Variants in SLC24A2 observed in about 807,000 individuals in gnomAD.
The protein encoded by SLC24A2 is solute carrier family 24 member 2.
SLC24A2 carries 36 observed loss-of-function variants against 62.0 expected under a neutral mutation model. The ratio of observed to expected loss-of-function variants is 0.58; its 90% confidence interval spans 0.44 to 0.77. The LOEUF is 0.77. Ranked by LOEUF, SLC24A2 falls within the 30% of genes least tolerant of loss-of-function variation. The probability of loss-of-function intolerance (pLI) is 0.00; values close to 1 mark genes in which losing one functional copy is unlikely to be tolerated. For missense variants in SLC24A2, 846 were observed against 817.9 expected (o/e 1.03, Z -0.42); for synonymous variants, 358 against 294.0 (o/e 1.22, Z -2.23).
chr9:20,015,253 G>C, the SLC24A2 span, among the ~76,000 whole-genome samples: 1 of 152,186 alleles, frequency 6.6e-6, no homozygotes, highest in Non-Finnish European at 1.5e-5. Flanking sequence ...TGTACATAAA[G>C]TGGAGGAGAG....
intron 4 of SLC24A2, 95 bp from the exon 5 acceptor site, chr9:19,597,374 A>G: frequency 2.3e-6 from 2 of 882,560 alleles, no homozygotes; most frequent in Non-Finnish European, 3.8e-6. Context: ...ATTCAGAGTT[A>G]TACTGTCAAA....
chr9:19,550,451 A>G (rs896337222), intron 7 of SLC24A2, among the ~76,000 whole-genome samples, 183 bp from the exon 8 acceptor site: 2 of 152,152 alleles, frequency 1.3e-5, no homozygotes, highest in South Asian at 2.1e-4. Flanking sequence ...CAAATAATAC[A>G]TTGTCCAGCC....
intron 2 of SLC24A2, among the ~76,000 whole-genome samples, chr9:19,630,662 C>T (rs562651402): frequency 6.6e-6 from 1 of 152,142 alleles, no homozygotes; most frequent in South Asian, 2.1e-4. Context: ...GACCCTGGCA[C>T]AATTTCCATA....
At chr9:19,948,722 G>A in the SLC24A2 span, among the ~76,000 whole-genome samples, 3,018 of 151,096 alleles carry the variant, frequency 0.02, 91 homozygotes, top group African/African-American at 0.07. Flanking sequence ...GCGGGCGCCT[G>A]TAGTCCCAGC....
Position 19,553,400 on chromosome 9 carries a change from A to C in SLC24A2, c.1348-3132T>G, listed in dbSNP as rs575770505. On this transcript the variant is annotated intron_variant, in intron 7 of 10. Transcript: ENST00000341998. ...CAGAGTGTCCATAGAAAACAAAACA[A>C]AGCAAAATGGTCCAGAAAGGATTCA... Among the ~76,000 whole-genome samples the C allele has an allele frequency of 2.0e-5, 3 of 152,322 alleles. No individual in the cohort carries two copies. The South Asian group carries it at 6.2e-4, about 32-fold the overall frequency.
At chr9:20,179,009 C>A in the SLC24A2 span, among the ~76,000 whole-genome samples, 1 of 152,110 alleles carries the variant, frequency 6.6e-6, no homozygotes, top group Non-Finnish European at 1.5e-5. Context: ...GAATCTTCTT[C>A]AAAGAGTTTG....
chr9:19,575,132 T>G (rs567986713), intron 6 of SLC24A2, among the ~76,000 whole-genome samples: 44 of 152,308 alleles, frequency 2.9e-4, no homozygotes, highest in African/African-American at 1.0e-3. Flanking sequence ...TATAGACACA[T>G]GAATAGATTT....
chr9:20,157,937 A>G, the SLC24A2 span, among the ~76,000 whole-genome samples: 1 of 151,572 alleles, frequency 6.6e-6, no homozygotes, highest in Non-Finnish European at 1.5e-5. Context: ...ACCCAGTGCT[A>G]TGCAAAGATC....
At chr9:19,693,359 G>A (rs1400125014) in intron 2 of SLC24A2, among the ~76,000 whole-genome samples, 2 of 152,106 alleles carry the variant, frequency 1.3e-5, no homozygotes, top group Non-Finnish European at 2.9e-5. Flanking sequence ...ATATATGAAT[G>A]CAGCCTGTTG....
the SLC24A2 span, among the ~76,000 whole-genome samples, chr9:20,153,988 C>T: frequency 4.6e-5 from 7 of 151,874 alleles, no homozygotes; most frequent in East Asian, 1.2e-3. Context: ...ATTGCTGTTG[C>T]ATAAATTGTG....
chr9:19,549,286 T>C (rs1331742718), intron 8 of SLC24A2, among the ~76,000 whole-genome samples: 2 of 152,206 alleles, frequency 1.3e-5, no homozygotes, highest in Non-Finnish European at 2.9e-5. Flanking sequence ...GTGGGGGTTT[T>C]AAAACATGTT....
the SLC24A2 span, among the ~76,000 whole-genome samples, chr9:20,090,459 C>A: frequency 6.6e-6 from 1 of 152,064 alleles, no homozygotes; most frequent in South Asian, 2.1e-4. Context: ...AGAGGGAGCA[C>A]GATTGCAATT....
chr9:20,237,654 C>T, the SLC24A2 span, among the ~76,000 whole-genome samples: 1 of 152,200 alleles, frequency 6.6e-6, no homozygotes, highest in African/African-American at 2.4e-5. Context: ...AAAGAGCACT[C>T]ACCTGGCACT....
At chr9:20,064,957 A>C in the SLC24A2 span, among the ~76,000 whole-genome samples, 1 of 152,204 alleles carries the variant, frequency 6.6e-6, no homozygotes, top group Non-Finnish European at 1.5e-5. Flanking sequence ...GAGGAGGGAC[A>C]GGCAGGTGAA....
the SLC24A2 span, among the ~76,000 whole-genome samples, chr9:20,259,795 G>A: frequency 6.6e-6 from 1 of 152,172 alleles, no homozygotes; most frequent in Admixed American, 6.5e-5. Flanking sequence ...ACAGTATTAA[G>A]AGGTAAGACC....
At chr9:20,116,351 C>G in the SLC24A2 span, among the ~76,000 whole-genome samples, 3 of 152,150 alleles carry the variant, frequency 2.0e-5, no homozygotes, top group Non-Finnish European at 4.4e-5. Flanking sequence ...AACCCTTAAG[C>G]ACTTTATGAG....
the SLC24A2 span, among the ~76,000 whole-genome samples, chr9:20,151,320 C>T: frequency 6.6e-6 from 1 of 151,800 alleles, no homozygotes; most frequent in Non-Finnish European, 1.5e-5. Context: ...TTTAACCTAC[C>T]CTTTCAGCCT....
chr9:20,102,121 C>G, the SLC24A2 span, among the ~76,000 whole-genome samples: 1 of 152,186 alleles, frequency 6.6e-6, no homozygotes, highest in Non-Finnish European at 1.5e-5. Flanking sequence ...ATCAGAGTCC[C>G]TAGTTCTCCC....
At chr9:20,290,717 C>G in the SLC24A2 span, among the ~76,000 whole-genome samples, 1 of 152,192 alleles carries the variant, frequency 6.6e-6, no homozygotes, top group African/African-American at 2.4e-5. Flanking sequence ...TGCCTACATG[C>G]TACCATGGAA....
Sources: allele counts gnomAD v4.1 joint callset (sites outside exome capture counted in the v4.1 genomes callset), GRCh38; gene constraint gnomAD v4.1.1; transcripts MANE v1.5; gene names NCBI Gene and HGNC (gene_info 2026-07-23, HGNC 2026-07-21).